PIGN: variants seen among roughly 807,000 people sequenced by gnomAD.
PIGN encodes the protein GPI ethanolamine phosphate transferase 1.
A neutral mutation model predicts 125.4 loss-of-function variants in PIGN; 117 were observed. That is an observed-to-expected ratio of 0.93 (90% confidence interval 0.80 to 1.09). The LOEUF is 1.09. Among genes scored for constraint, PIGN ranks in the 50% least tolerant of loss-of-function variants. PIGN has a pLI of 0.00. For missense variants in PIGN, 1,075 were observed against 1,094.9 expected (o/e 0.98, Z 0.26); for synonymous variants, 392 against 377.8 (o/e 1.04, Z -0.44).
chr18:62,051,166 T>G (rs1363964789), intron 30 of PIGN, among the ~76,000 whole-genome samples: 2 of 151,194 alleles, frequency 1.3e-5, no homozygotes, highest in Non-Finnish European at 3.0e-5. Flanking sequence ...AATTCTCTTT[T>G]TTGGTTGTGT....
chr18:62,076,373 A>G (rs2033172825), intron 28 of PIGN, among the ~76,000 whole-genome samples: 1 of 152,060 alleles, frequency 6.6e-6, no homozygotes, highest in African/African-American at 2.4e-5. Flanking sequence ...AGTTTTGTGC[A>G]TTCTTTTTAT....
chr18:62,046,734 T>C (rs765176741), intron 30 of PIGN, among the ~76,000 whole-genome samples: 5 of 151,974 alleles, frequency 3.3e-5, no homozygotes, highest in Non-Finnish European at 7.4e-5. Context: ...TAGGGAATAA[T>C]AGAAAGAATA....
intron 1 of PIGN, among the ~76,000 whole-genome samples, chr18:62,179,462 G>A (rs779409143): frequency 1.1e-4 from 16 of 152,060 alleles, no homozygotes; most frequent in Middle Eastern, 3.4e-3. Flanking sequence ...GCCATCTGTC[G>A]GTCAGGCCTG....
At chr18:62,106,697 C>G in intron 19 of PIGN, 92 bp downstream of exon 19, 1 of 799,636 alleles carries the variant, frequency 1.3e-6, no homozygotes, top group Non-Finnish European at 2.0e-6. Flanking sequence ...ACATTCTACC[C>G]TTTTCTTTAA....
At chr18:62,121,807 TG>T (rs2035317243) in intron 14 of PIGN, among the ~76,000 whole-genome samples, 1 of 152,200 alleles carries the variant, frequency 6.6e-6, no homozygotes, top group African/African-American at 2.4e-5. Context: ...TTTTAGCTAC[TG>T]TAAGTAGTAC....
intron 14 of PIGN, among the ~76,000 whole-genome samples, chr18:62,127,900 A>T (rs1404368875): frequency 1.3e-5 from 2 of 152,108 alleles, no homozygotes; most frequent in Non-Finnish European, 1.5e-5. Flanking sequence ...CGGAAGGAGA[A>T]GATAGGACTG....
intron 4 of PIGN, among the ~76,000 whole-genome samples, chr18:62,159,603 A>T (rs1430130096): frequency 6.6e-6 from 1 of 151,912 alleles, no homozygotes; most frequent in Non-Finnish European, 1.5e-5. Flanking sequence ...TATTGACTTG[A>T]GTCTCTCTTT....
At chr18:62,035,674 C>CG (rs1226399373) in intron 23 of PIGN, among the ~76,000 whole-genome samples, 2 of 152,046 alleles carry the variant, frequency 1.3e-5, no homozygotes, top group Admixed American at 6.6e-5. Context: ...TATCCCTCCC[C>CG]CTTCCCCCCA....
At chr18:62,081,603 T>G (rs2033451934) in intron 28 of PIGN, among the ~76,000 whole-genome samples, 1 of 152,196 alleles carries the variant, frequency 6.6e-6, no homozygotes, top group Non-Finnish European at 1.5e-5. Context: ...ACATACATTT[T>G]GATGAGCCTT....
intron 4 of PIGN, among the ~76,000 whole-genome samples, chr18:62,159,073 G>C (rs1018602998): frequency 1.3e-5 from 2 of 152,110 alleles, no homozygotes; most frequent in Admixed American, 1.3e-4. Context: ...GTGAAACCCC[G>C]TCTCTACCAA....
intron 30 of PIGN, among the ~76,000 whole-genome samples, chr18:62,065,655 T>C (rs998724626): frequency 1.3e-5 from 2 of 151,650 alleles, no homozygotes; most frequent in Non-Finnish European, 2.9e-5. Context: ...AGGAGAATGG[T>C]GTGAACCCGG....
intron 22 of PIGN, among the ~76,000 whole-genome samples, chr18:62,099,373 A>G (rs2034345347): frequency 6.6e-6 from 1 of 152,186 alleles, no homozygotes; most frequent in Admixed American, 6.5e-5. Context: ...ATAATGTAAT[A>G]GTTATGAATA....
Position 62,140,470 on chromosome 18 carries a change from C to G in PIGN, c.973G>C (p.Ala325Pro). Residue 325 changes from alanine (A) to proline (P), a missense_variant, in exon 12 of 31, where the codon GCA becomes CCA. By Grantham distance (27) the Ala-to-Pro change is conservative. This residue lies in a region of PIGN where 915 missense variants were observed against 908.7 expected (regional missense o/e 1.01). Transcript: ENST00000640252. ...KRLDVNQADI[A>P]PLMTSLIGVP... is the part of the protein sequence containing the mutation. ...CCAATAAGGGAAGTCATCAATGGTG[C>G]AATATCAGCCTACAAATAAAAAAGC... 1 of 1,540,594 alleles carries G rather than the reference C, an allele frequency of 6.5e-7. No individual in the cohort carries two copies. The highest frequency in any genetic ancestry group is 1.4e-5 in the African/African-American group (1 of 73,516).
At chr18:62,101,970 GTAAT>G (rs2034454372) in intron 21 of PIGN, among the ~76,000 whole-genome samples, 1 of 152,110 alleles carries the variant, frequency 6.6e-6, no homozygotes, top group Admixed American at 6.5e-5. Flanking sequence ...GCTCACGCCT[GTAAT>G]CCCAGGACTT....
intron 11 of PIGN, 124 bp from the exon 12 acceptor site, chr18:62,140,603 T>C (rs1010542264): frequency 2.0e-5 from 10 of 492,838 alleles, no homozygotes; most frequent in South Asian, 1.3e-4. Context: ...CCTTCAAACA[T>C]GTATTTAATA....
intron 1 of PIGN, among the ~76,000 whole-genome samples, chr18:62,173,216 C>T (rs112829598): frequency 0.067 from 10,154 of 152,194 alleles, 404 homozygotes; most frequent in Middle Eastern, 0.15. Context: ...TATTAGGTTA[C>T]GGTCTACAAA....
At chr18:62,128,276 G>A (rs1158233398) in intron 14 of PIGN, among the ~76,000 whole-genome samples, 2 of 152,152 alleles carry the variant, frequency 1.3e-5, no homozygotes. Flanking sequence ...ACTTGTGACT[G>A]GTGTGACAAA....
At chr18:62,167,929 C>G (rs2037212513) in intron 1 of PIGN, among the ~76,000 whole-genome samples, 1 of 152,000 alleles carries the variant, frequency 6.6e-6, no homozygotes, top group Admixed American at 6.6e-5. Flanking sequence ...TGCGGTGGCT[C>G]ACGCTTGCAA....
At chr18:62,168,065 A>AAT in intron 1 of PIGN, among the ~76,000 whole-genome samples, 1 of 151,284 alleles carries the variant, frequency 6.6e-6, no homozygotes, top group East Asian at 2.0e-4. Flanking sequence ...GTGGTGGCGC[A>AAT]CCCAACCACT....
Sources: gnomAD v4.1 joint callset for allele counts (sites outside exome capture counted in the v4.1 genomes callset) on GRCh38, gnomAD v4.1.1 for gene constraint, gnomAD v4.1.1 regional missense constraint, MANE v1.5 for transcripts, NCBI Gene and HGNC (gene_info 2026-07-23, HGNC 2026-07-21) for gene names.